The following FGFR2 variants were observed in gnomAD, a reference collection of about 807,000 sequenced individuals.
FGFR2 encodes fibroblast growth factor receptor 2.
In FGFR2, 19 loss-of-function variants were observed where a neutral mutation model predicts 95.9. The ratio of observed to expected loss-of-function variants is 0.20; its 90% CI spans 0.14 to 0.29. The LOEUF is 0.29. Among genes scored for constraint, FGFR2 ranks in the 10% least tolerant of loss-of-function variants. The pLI is 1.00. For synonymous variants in FGFR2, 392 were observed against 393.3 expected, an observed-to-expected ratio of 1.00 and a Z score of 0.04; for missense variants, 707 against 1,056.9, an observed-to-expected ratio of 0.67 and a Z score of 4.59.
rs528801543 is a variant in FGFR2 at position 121,559,195 on chromosome 10, T to C, written c.454+5307A>G. Among the ~76,000 whole-genome samples the C allele has an allele frequency of 3.3e-5, 5 of 149,624 alleles. No homozygotes were observed. The South Asian group carries it at 1.1e-3, about 32-fold the overall frequency. On this transcript the variant is annotated intron_variant, in intron 4 of 17. Transcript: ENST00000358487. ...GTCACTGGAGCATCATTTGTCAAAG[T>C]TCCTAAAGAAGAACATACAAACACA...
intron 9 of FGFR2, among the ~76,000 whole-genome samples, chr10:121,507,466 T>C (rs1019467172): frequency 2.0e-5 from 3 of 152,126 alleles, no homozygotes; most frequent in African/African-American, 7.2e-5. Flanking sequence ...TGAGTGCCTG[T>C]AACCCCAGCT....
intron 6 of FGFR2, among the ~76,000 whole-genome samples, chr10:121,524,868 G>A (rs1039926513): frequency 6.6e-6 from 1 of 152,156 alleles, no homozygotes; most frequent in Non-Finnish European, 1.5e-5. Context: ...AACCCCTCAA[G>A]TTTGCAACTT....
intron 2 of FGFR2, among the ~76,000 whole-genome samples, chr10:121,577,619 T>G (rs1860132345): frequency 6.6e-6 from 1 of 152,052 alleles, no homozygotes; most frequent in South Asian, 2.1e-4. Flanking sequence ...TCTAGGAAAT[T>G]TCTCCTTCCC....
At chr10:121,532,998 C>A (rs1036358477) in intron 6 of FGFR2, among the ~76,000 whole-genome samples, 3 of 152,182 alleles carry the variant, frequency 2.0e-5, no homozygotes, top group Non-Finnish European at 2.9e-5. Flanking sequence ...AAGTGACATG[C>A]GGCCTCTGAT....
At position 121,512,332 on chromosome 10, in the gene FGFR2, C is replaced by T. The variant is rs565908783; in HGVS notation, c.1287+2785G>A. Among the ~76,000 whole-genome samples, 3 of 152,276 alleles carry T rather than the reference C, an allele frequency of 2.0e-5. No individual in the cohort carries two copies. The South Asian group carries it at 6.2e-4, about 32-fold the overall frequency. On this transcript the variant is annotated intron_variant, in intron 9 of 17. Coordinates refer to ENST00000358487, the MANE Select transcript of FGFR2 (RefSeq NM_000141.5). The stretch of plus-strand genomic sequence containing the variant: ...TTCTCTACCAAAGGGGCCATGCGTA[C>T]TGATGAAACATTCTTTGTGAAGATC...
chr10:121,597,630 C>T (rs1863649558), intron 1 of FGFR2, among the ~76,000 whole-genome samples: 1 of 152,250 alleles, frequency 6.6e-6, no homozygotes, highest in Admixed American at 6.5e-5. Flanking sequence ...GGCGAACCTT[C>T]CGCCCGTCTG....
Position 121,479,124 on chromosome 10 carries a change from T to C in FGFR2, c.*733A>G. 4.3e-6 allele frequency: 1 copy of C among 232,874 alleles called. No homozygotes were observed. Among genetic ancestry groups the C allele is most frequent in the East Asian group, 6.1e-5 (1 of 16,362 alleles). The allele number at this position is 232,874 out of a possible 1,614,324, so 14.4% of individuals were successfully genotyped here. A position where few individuals can be genotyped will look rare whatever the true frequency, so the allele number is the denominator to read the frequency against. On this transcript the variant is annotated 3_prime_UTR_variant, in exon 18 of 18. Transcript: ENST00000358487. ...AATATTCTCTTTTCAAAGGATCTGA[T>C]AACTAGTTAAGTCCAAGCAATAGAT...
intron 4 of FGFR2, among the ~76,000 whole-genome samples, chr10:121,557,272 C>T (rs1050592767): frequency 6.6e-6 from 1 of 152,176 alleles, no homozygotes; most frequent in African/African-American, 2.4e-5. Context: ...TTGGATGGAA[C>T]ACCATCAACA....
At chr10:121,547,400 CTTTTTTTT>C (rs764591388) in intron 5 of FGFR2, among the ~76,000 whole-genome samples, 1 of 139,416 alleles carries the variant, frequency 7.2e-6, no homozygotes, top group Non-Finnish European at 1.6e-5. Context: ...CCTTTTTTTT[CTTTTTTTT>C]TTTTTTGACA....
chr10:121,548,049 C>A (rs1289100797), intron 5 of FGFR2, among the ~76,000 whole-genome samples: 1 of 152,072 alleles, frequency 6.6e-6, no homozygotes, highest in Non-Finnish European at 1.5e-5. Flanking sequence ...TCTGGCATCT[C>A]CAAAATGAAC....
chr10:121,568,816 C>T (rs552434744), intron 2 of FGFR2, among the ~76,000 whole-genome samples: 62 of 152,254 alleles, frequency 4.1e-4, no homozygotes, highest in Admixed American at 7.2e-4. Context: ...ATCTGAGCTG[C>T]TGGACTACCA....
At chr10:121,571,182 G>A (rs774183448) in intron 2 of FGFR2, among the ~76,000 whole-genome samples, 17 of 151,248 alleles carry the variant, frequency 1.1e-4, no homozygotes, top group Admixed American at 4.0e-4. Flanking sequence ...TAGTAGAGAC[G>A]GGGTGGGTTT....
chr10:121,505,210 T>C (rs1475019870), intron 9 of FGFR2, among the ~76,000 whole-genome samples: 2 of 152,180 alleles, frequency 1.3e-5, no homozygotes, highest in Non-Finnish European at 2.9e-5. Flanking sequence ...AATCTCGCCT[T>C]TGTAAACCCA....
At chr10:121,590,978 C>T (rs1306393086) in intron 2 of FGFR2, among the ~76,000 whole-genome samples, 4 of 151,026 alleles carry the variant, frequency 2.6e-5, no homozygotes, top group South Asian at 4.2e-4. Flanking sequence ...CACGCACGCA[C>T]GCGCACTCGC....
At chr10:121,539,190 G>A (rs1226501055) in intron 5 of FGFR2, among the ~76,000 whole-genome samples, 2 of 152,214 alleles carry the variant, frequency 1.3e-5, no homozygotes, top group East Asian at 1.9e-4. Flanking sequence ...CTGTGCTGCC[G>A]TAGCTAATTC....
chr10:121,582,949 G>A (rs1861172893), intron 2 of FGFR2, among the ~76,000 whole-genome samples: 1 of 152,130 alleles, frequency 6.6e-6, no homozygotes, highest in South Asian at 2.1e-4. Flanking sequence ...CACATTAGCT[G>A]GTACTGGAGT....
intron 4 of FGFR2, among the ~76,000 whole-genome samples, chr10:121,557,583 C>T (rs1169098378): frequency 2.0e-5 from 3 of 152,192 alleles, no homozygotes; most frequent in African/African-American, 7.2e-5. Flanking sequence ...GCTGGAATTA[C>T]AGGTGCGAGC....
At chr10:121,573,212 T>C (rs1004892257) in intron 2 of FGFR2, among the ~76,000 whole-genome samples, 27 of 152,254 alleles carry the variant, frequency 1.8e-4, no homozygotes, top group African/African-American at 4.6e-4. Flanking sequence ...ATGGGAAACC[T>C]GAGTCTTGCC....
chr10:121,560,766 A>T (rs1262142477), intron 4 of FGFR2, among the ~76,000 whole-genome samples: 2 of 152,114 alleles, frequency 1.3e-5, no homozygotes, highest in East Asian at 3.8e-4. Context: ...CTGTTTTACG[A>T]ACAAGACCAC....
Sources: gnomAD v4.1 joint callset for allele counts (sites outside exome capture counted in the v4.1 genomes callset) on GRCh38, gnomAD v4.1.1 for gene constraint, MANE v1.5 for transcripts, NCBI Gene and HGNC (gene_info 2026-07-23, HGNC 2026-07-21) for gene names.